DOK6: variants seen among roughly 807,000 people sequenced by gnomAD.
The protein encoded by DOK6 is docking protein 6, also known as downstream of tyrosine kinase 6.
DOK6 carries 22 observed loss-of-function variants against 44.0 expected under a neutral mutation model. The ratio of observed to expected loss-of-function variants is 0.50; its 90% CI spans 0.36 to 0.71. DOK6 has a LOEUF of 0.71. DOK6 is among the 30% of genes least tolerant of loss of function. The pLI, the probability that DOK6 is intolerant of heterozygous loss-of-function variation, is 0.00. For missense variants in DOK6, 340 were observed against 416.4 expected, an observed-to-expected ratio of 0.82 and a Z score of 1.60; for synonymous variants, 166 against 145.5, an observed-to-expected ratio of 1.14 and a Z score of -1.01.
intron 6 of DOK6, among the ~76,000 whole-genome samples, chr18:69,747,553 C>T (rs1253839116): frequency 6.6e-6 from 1 of 151,950 alleles, no homozygotes; most frequent in Non-Finnish European, 1.5e-5. Context: ...GGTAGAATGT[C>T]CACATTGCAA....
intron 1 of DOK6, among the ~76,000 whole-genome samples, chr18:69,530,596 T>A (rs1440111553): frequency 6.6e-6 from 1 of 151,818 alleles, no homozygotes; most frequent in East Asian, 1.9e-4. Flanking sequence ...GAAAAAAAAA[T>A]GACTGGATTC....
rs143962341 is a variant in DOK6, at chr18:69,526,761, A to G, written c.67-37726A>G. On this transcript the variant is annotated intron_variant, in intron 1 of 7. Transcript: ENST00000382713. Reference sequence around the variant, plus strand: ...GTTTTATGGTCCAGCATATGGTTGTATTCTGTAGAATGTTCCATGTGAACT... The same window carrying G: ...GTTTTATGGTCCAGCATATGGTTGTGTTCTGTAGAATGTTCCATGTGAACT... Among the ~76,000 whole-genome samples the G allele has an allele frequency of 9.1e-3, 1,380 of 152,274 alleles. 10 individuals are homozygous for G. The highest frequency in any genetic ancestry group is 0.017 in the Middle Eastern group (5 of 294).
chr18:69,462,416 T>C (rs1302152168), intron 1 of DOK6, among the ~76,000 whole-genome samples: 1 of 152,178 alleles, frequency 6.6e-6, no homozygotes, highest in East Asian at 1.9e-4. Flanking sequence ...CCTCAAACTA[T>C]TCCTTGTGCT....
intron 1 of DOK6, among the ~76,000 whole-genome samples, chr18:69,477,949 T>A (rs1222637132): frequency 6.6e-6 from 1 of 152,118 alleles, no homozygotes; most frequent in African/African-American, 2.4e-5. Flanking sequence ...TGTCACAAAA[T>A]TTTTCAGTGG....
intron 7 of DOK6, among the ~76,000 whole-genome samples, chr18:69,768,984 G>GTGTGTGTGTGTGTGTGTGTGTGTGTTT (rs1979809094): frequency 6.8e-5 from 2 of 29,624 alleles, no homozygotes; most frequent in East Asian, 4.2e-3. Context: ...TGTGTGTGTT[G>GTGTGTGTGTGTGTGTGTGTGTGTGTTT]AATGCCTGTA....
intron 5 of DOK6, among the ~76,000 whole-genome samples, chr18:69,731,902 T>C (rs900545257): frequency 3.3e-5 from 5 of 152,200 alleles, no homozygotes; most frequent in African/African-American, 9.6e-5. Flanking sequence ...GGTGTGAGTA[T>C]AGATCAGTAG....
At chr18:69,755,412 T>A (rs1979323431) in intron 6 of DOK6, among the ~76,000 whole-genome samples, 2 of 152,236 alleles carry the variant, frequency 1.3e-5, no homozygotes, top group East Asian at 3.9e-4. Context: ...AATAAACAAA[T>A]TATAATACAT....
chr18:69,434,092 T>G (rs1224626404), intron 1 of DOK6, among the ~76,000 whole-genome samples: 4 of 152,170 alleles, frequency 2.6e-5, no homozygotes, highest in Non-Finnish European at 5.9e-5. Context: ...CCAAGCATAA[T>G]TATGTGAGGT....
chr18:69,754,940 T>A (rs1979307428), intron 6 of DOK6, among the ~76,000 whole-genome samples: 1 of 152,222 alleles, frequency 6.6e-6, no homozygotes, highest in Non-Finnish European at 1.5e-5. Context: ...ATGGACTCTA[T>A]TTTAAAAGTC....
At chr18:69,446,562 G>T (rs1979299567) in intron 1 of DOK6, among the ~76,000 whole-genome samples, 1 of 152,046 alleles carries the variant, frequency 6.6e-6, no homozygotes, top group South Asian at 2.1e-4. Flanking sequence ...AATCCTTTGG[G>T]TATATACCCA....
chr18:69,619,696 A>G (rs992272851), intron 3 of DOK6, among the ~76,000 whole-genome samples: 1 of 152,258 alleles, frequency 6.6e-6, no homozygotes. Flanking sequence ...AATAATTTGC[A>G]TCAATTAAAA....
At chr18:69,529,741 G>T (rs1469318356) in intron 1 of DOK6, among the ~76,000 whole-genome samples, 1 of 152,236 alleles carries the variant, frequency 6.6e-6, no homozygotes, top group East Asian at 1.9e-4. Context: ...AACTATTAAT[G>T]TTGCCCTATT....
intron 1 of DOK6, 138 bp downstream of exon 1, chr18:69,401,448 T>C: frequency 9.4e-7 from 1 of 1,065,020 alleles, no homozygotes; most frequent in Non-Finnish European, 1.2e-6. Flanking sequence ...GGCCCGCTTG[T>C]TGCTTGGCCA....
intron 3 of DOK6, among the ~76,000 whole-genome samples, chr18:69,665,381 G>T (rs1360255618): frequency 6.6e-6 from 1 of 152,074 alleles, no homozygotes; most frequent in African/African-American, 2.4e-5. Context: ...GAGCCTCCTT[G>T]CTATGTGGAA....
In DOK6 at chr18:69,843,963, C is replaced by T. The variant is rs1447469698; in HGVS notation, c.*2580C>T. The T allele has an allele frequency of 1.3e-5, 2 of 152,098 alleles. No individual in the cohort carries two copies. Among genetic ancestry groups the T allele is most frequent in the Non-Finnish European group, 1.5e-5 (1 of 68,018 alleles). 9.4% of individuals were successfully genotyped at this position (152,098 alleles called of 1,614,324 possible). ...TTATATTAGACTAATATCCTTGACA[C>T]GAAGCAGGGTTCATTGTAATAAAAA... On this transcript the variant is annotated 3_prime_UTR_variant, in exon 8 of 8. Coordinates refer to ENST00000382713, the MANE Select transcript of DOK6 (RefSeq NM_152721.6).
At chr18:69,523,553 G>C (rs928539768) in intron 1 of DOK6, among the ~76,000 whole-genome samples, 5 of 151,760 alleles carry the variant, frequency 3.3e-5, no homozygotes, top group Admixed American at 2.0e-4. Flanking sequence ...TTATCCATTT[G>C]TTTTCTTTTT....
At chr18:69,521,817 T>G (rs1410342171) in intron 1 of DOK6, among the ~76,000 whole-genome samples, 1 of 152,014 alleles carries the variant, frequency 6.6e-6, no homozygotes, top group African/African-American at 2.4e-5. Context: ...ATGATAAATG[T>G]TTCAGTTGAT....
chr18:69,747,415 A>AG (rs1401743663), intron 6 of DOK6, among the ~76,000 whole-genome samples: 1 of 152,236 alleles, frequency 6.6e-6, no homozygotes, highest in Non-Finnish European at 1.5e-5. Context: ...TTTCAGAGAC[A>AG]GTAAGATTAC....
At position 69,599,422 on chromosome 18, in the gene DOK6, GC is replaced by G. The variant is rs773650332; in HGVS notation, c.217del (p.Arg73GlufsTer105). On this transcript the variant is annotated frameshift_variant, in exon 3 of 8. Transcript: ENST00000382713. LOFTEE classifies it high-confidence loss of function. ...ACAATATCAAAAATATAACCAGACT[GC>G]CCCGAGAGACAAAGAAGCATGCGGT... is the stretch of plus-strand genomic sequence containing the variant. Reference protein sequence around the residue: ...LHNIKNITRLPRETKKHAVAI... With the variant: ...LHNIKNITRLXRETKKHAVAI... 1.2e-6 allele frequency: 2 copies of G among 1,613,792 alleles called. No individual in the cohort carries two copies. Among genetic ancestry groups the G allele is most frequent in the Non-Finnish European group, 1.7e-6 (2 of 1,179,922 alleles).
Sources: allele counts gnomAD v4.1 joint callset (sites outside exome capture counted in the v4.1 genomes callset), GRCh38; gene constraint gnomAD v4.1.1; transcripts MANE v1.5; gene names NCBI Gene and HGNC (gene_info 2026-07-23, HGNC 2026-07-21).